AGPAT5: variants seen among roughly 807,000 people sequenced by gnomAD.
AGPAT5 encodes 1-acyl-sn-glycerol-3-phosphate acyltransferase epsilon.
Under a neutral mutation model 45.6 loss-of-function variants are expected in AGPAT5, and 46 were observed. The ratio of observed to expected loss-of-function variants is 1.01; its 90% CI spans 0.80 to 1.29. AGPAT5 has a LOEUF of 1.29. Ranked by LOEUF, AGPAT5 falls within the 50% of genes most tolerant of loss-of-function variation. The pLI is 0.00. For synonymous variants in AGPAT5, 272 were observed against 167.0 expected (o/e 1.63, Z -4.85); for missense variants, 673 against 450.7 (o/e 1.49, Z -4.47).
At chr8:6,737,033 A>G (rs1801075930) in intron 4 of AGPAT5, among the ~76,000 whole-genome samples, 2 of 152,174 alleles carry the variant, frequency 1.3e-5, no homozygotes, top group African/African-American at 2.4e-5. Flanking sequence ...CAGCTTTTTA[A>G]GTTGTTTTCA....
chr8:6,720,821 C>A (rs988693367), intron 1 of AGPAT5, among the ~76,000 whole-genome samples: 1 of 152,126 alleles, frequency 6.6e-6, no homozygotes, highest in African/African-American at 2.4e-5. Flanking sequence ...GTTGGAAGAA[C>A]CAGCGTTCTT....
intron 2 of AGPAT5, among the ~76,000 whole-genome samples, chr8:6,729,672 C>G (rs1405240163): frequency 6.6e-6 from 1 of 152,202 alleles, no homozygotes; most frequent in Non-Finnish European, 1.5e-5. Flanking sequence ...TCTGCACCCA[C>G]TTTGCCACTT....
chr8:6,714,448 A>G (rs749186926), intron 1 of AGPAT5, among the ~76,000 whole-genome samples: 30 of 152,240 alleles, frequency 2.0e-4, no homozygotes, highest in Non-Finnish European at 1.9e-4. Context: ...AAAAAATGTA[A>G]CTAGAACTCT....
At chr8:6,752,603 C>A (rs946340296) in intron 6 of AGPAT5, among the ~76,000 whole-genome samples, 4 of 152,082 alleles carry the variant, frequency 2.6e-5, no homozygotes, top group African/African-American at 7.2e-5. Flanking sequence ...AGACCTGTGA[C>A]CTGTACGAAT....
chr8:6,719,194 C>A (rs973526093), intron 1 of AGPAT5, among the ~76,000 whole-genome samples: 7 of 152,172 alleles, frequency 4.6e-5, no homozygotes, highest in Non-Finnish European at 1.0e-4. Flanking sequence ...ACATATTCTT[C>A]TGTTTGGACA....
chr8:6,737,873 G>A (rs769818886), intron 4 of AGPAT5, among the ~76,000 whole-genome samples: 6 of 152,094 alleles, frequency 3.9e-5, no homozygotes, highest in Admixed American at 6.6e-5. Context: ...TAAACCTCAC[G>A]AACCAACCTC....
intron 1 of AGPAT5, among the ~76,000 whole-genome samples, chr8:6,718,067 G>A (rs1800389177): frequency 6.6e-6 from 1 of 152,140 alleles, no homozygotes; most frequent in African/African-American, 2.4e-5. Flanking sequence ...CTATTTTGAA[G>A]ACAAAATGAG....
chr8:6,721,017 A>G (rs1274129168), intron 1 of AGPAT5, among the ~76,000 whole-genome samples: 1 of 152,262 alleles, frequency 6.6e-6, no homozygotes, highest in Non-Finnish European at 1.5e-5. Flanking sequence ...TGAAGAAAGC[A>G]AAAGGAAAAA....
chr8:6,734,531 A>G (rs1217873921), intron 4 of AGPAT5, among the ~76,000 whole-genome samples: 2 of 152,044 alleles, frequency 1.3e-5, no homozygotes, highest in African/African-American at 2.4e-5. Flanking sequence ...AACCTTTATC[A>G]TTTTATTATA....
At chr8:6,729,380 C>G (rs1245025322) in intron 2 of AGPAT5, among the ~76,000 whole-genome samples, 2 of 147,694 alleles carry the variant, frequency 1.4e-5, no homozygotes. Context: ...TCCTCTGACT[C>G]ACTCCTTTTG....
At chr8:6,745,466 A>G (rs1563302260) in intron 5 of AGPAT5, among the ~76,000 whole-genome samples, 1 of 152,230 alleles carries the variant, frequency 6.6e-6, no homozygotes, top group Admixed American at 6.5e-5. Flanking sequence ...CCTCCAAAGC[A>G]TCGTATCATT....
chr8:6,744,549 G>A, intron 5 of AGPAT5, among the ~76,000 whole-genome samples: 1 of 152,222 alleles, frequency 6.6e-6, no homozygotes, highest in African/African-American at 2.4e-5. Flanking sequence ...ACGGGGTCCT[G>A]TGCTTGGTTC....
chr8:6,710,304 C>T (rs553745211), intron 1 of AGPAT5, among the ~76,000 whole-genome samples: 5 of 152,234 alleles, frequency 3.3e-5, no homozygotes, highest in African/African-American at 1.2e-4. Context: ...TTCAGAGATC[C>T]GATTTACTTC....
chr8:6,741,090 C>T (rs1801231798), intron 4 of AGPAT5, among the ~76,000 whole-genome samples: 1 of 151,988 alleles, frequency 6.6e-6, no homozygotes, highest in South Asian at 2.1e-4. Flanking sequence ...ATTTTAGTTT[C>T]AGTTTATATA....
intron 4 of AGPAT5, among the ~76,000 whole-genome samples, chr8:6,739,424 C>G (rs1393240218): frequency 2.0e-5 from 3 of 151,984 alleles, no homozygotes; most frequent in African/African-American, 4.8e-5. Context: ...TGAACGTAGC[C>G]TGCATTTGTT....
At position 6,755,120 on chromosome 8, in the gene AGPAT5, A is replaced by T. The variant is rs745853589; in HGVS notation, c.815A>T (p.Glu272Val). The T allele has an allele frequency of 2.5e-6, 4 of 1,609,144 alleles. No homozygotes were observed. The South Asian group carries it at 3.4e-5, about 14-fold the overall frequency. ...CGTATCGACAAAAAAGATGTCCCAG[A>T]AGAACAAGAACATATGAGAAGATGG... ...IDRIDKKDVP[E>V]EQEHMRRWLH... The change falls in exon 7 of 8, where the codon GAA becomes GTA. Residue 272 changes from glutamate (E) to valine (V), a missense_variant. By Grantham distance (121) the Glu-to-Val change is moderately radical. Coordinates refer to ENST00000285518, the MANE Select transcript of AGPAT5 (RefSeq NM_018361.5).
chr8:6,742,787 C>A (rs971794188), intron 5 of AGPAT5, among the ~76,000 whole-genome samples: 2 of 151,888 alleles, frequency 1.3e-5, no homozygotes, highest in African/African-American at 4.8e-5. Flanking sequence ...TTAAAAAATG[C>A]CAGTTTGTTT....
chr8:6,723,858 A>G (rs1463937492), intron 1 of AGPAT5, among the ~76,000 whole-genome samples: 2 of 152,206 alleles, frequency 1.3e-5, no homozygotes, highest in Admixed American at 6.5e-5. Context: ...TCTTTTTAAG[A>G]TATTAATAAA....
intron 5 of AGPAT5, among the ~76,000 whole-genome samples, chr8:6,744,115 A>C (rs1587051249): frequency 6.6e-6 from 1 of 152,256 alleles, no homozygotes; most frequent in South Asian, 2.1e-4. Flanking sequence ...TAGGATATTA[A>C]TATACTTAAT....
Sources: allele counts gnomAD v4.1 joint callset (sites outside exome capture counted in the v4.1 genomes callset), GRCh38; gene constraint gnomAD v4.1.1; transcripts MANE v1.5; gene names NCBI Gene and HGNC (gene_info 2026-07-23, HGNC 2026-07-21).